The following BMPR1B variants were observed in gnomAD, a reference collection of about 807,000 sequenced individuals.
The protein encoded by BMPR1B is bone morphogenetic protein receptor type-1B.
In BMPR1B, 12 loss-of-function variants were observed where a neutral mutation model predicts 59.1. That is an observed-to-expected ratio of 0.20 (90% CI 0.13 to 0.33). The LOEUF is 0.33. Among genes scored for constraint, BMPR1B ranks in the 10% least tolerant of loss-of-function variants. BMPR1B has a pLI of 1.00. For missense variants in BMPR1B, 550 were observed against 610.9 expected (o/e 0.90, Z 1.05); for synonymous variants, 237 against 207.3 (o/e 1.14, Z -1.23).
intron 1 of BMPR1B, among the ~76,000 whole-genome samples, chr4:94,800,050 G>A (rs570590548): frequency 1.3e-5 from 2 of 152,194 alleles, no homozygotes; most frequent in African/African-American, 4.8e-5. Flanking sequence ...TTTTTGATTG[G>A]GACAAGCGTT....
chr4:95,055,165 A>G (rs1726821609), intron 3 of BMPR1B, among the ~76,000 whole-genome samples: 1 of 152,168 alleles, frequency 6.6e-6, no homozygotes, highest in Non-Finnish European at 1.5e-5. Context: ...ACAGTTTTAT[A>G]TAACCTGGAT....
At chr4:95,100,478 TA>T (rs1312412106) in intron 3 of BMPR1B, among the ~76,000 whole-genome samples, 2 of 151,968 alleles carry the variant, frequency 1.3e-5, no homozygotes, top group Admixed American at 6.6e-5. Flanking sequence ...TTCCTCTCTA[TA>T]AAAAAAATTA....
At chr4:94,906,728 C>T (rs1339585905) in intron 2 of BMPR1B, among the ~76,000 whole-genome samples, 1 of 151,990 alleles carries the variant, frequency 6.6e-6, no homozygotes, top group East Asian at 1.9e-4. Context: ...GAAGTAAACA[C>T]TTGAAGACAA....
chr4:94,863,600 T>A (rs559916155), intron 1 of BMPR1B, among the ~76,000 whole-genome samples: 2 of 152,356 alleles, frequency 1.3e-5, no homozygotes, highest in African/African-American at 2.4e-5. Flanking sequence ...TGTATTTTCC[T>A]CTAATGTTTC....
intron 4 of BMPR1B, among the ~76,000 whole-genome samples, chr4:95,108,664 C>A (rs563005962): frequency 1.4e-4 from 22 of 152,170 alleles, no homozygotes; most frequent in Admixed American, 6.6e-4. Flanking sequence ...AAATCCATGC[C>A]ATTTCCACTG....
intron 1 of BMPR1B, among the ~76,000 whole-genome samples, chr4:94,848,713 A>T (rs932970560): frequency 1.3e-5 from 2 of 152,212 alleles, no homozygotes; most frequent in East Asian, 3.8e-4. Context: ...ATGTTAGGAC[A>T]AAGGGTGGGA....
chr4:94,873,573 A>G (rs138786622), intron 1 of BMPR1B, among the ~76,000 whole-genome samples: 1 of 152,016 alleles, frequency 6.6e-6, no homozygotes, highest in Non-Finnish European at 1.5e-5. Flanking sequence ...TGCCCAGCTA[A>G]TATTTTGTAT....
chr4:95,121,911 T>C (rs1732558801), intron 6 of BMPR1B, among the ~76,000 whole-genome samples: 1 of 152,214 alleles, frequency 6.6e-6, no homozygotes, highest in African/African-American at 2.4e-5. Flanking sequence ...TGCAAAGATG[T>C]ATGTGTAAGA....
chr4:94,916,567 G>C lies in BMPR1B; in HGVS notation c.-113+40667G>C, dbSNP rs1005070031. ...TTCTAAGCAGCAAAGTGTTCACCAT[G>C]TGGCCTGGCTGCTTCTAACAACCTA... On this transcript the variant is annotated intron_variant, in intron 2 of 12. Transcript: ENST00000515059. Among the ~76,000 whole-genome samples, 4 of 152,210 alleles carry C rather than the reference G, an allele frequency of 2.6e-5. No individual in the cohort carries two copies. In the South Asian group the frequency reaches 8.3e-4, roughly 31 times the overall value.
At chr4:95,010,337 G>A (rs931282362) in intron 3 of BMPR1B, among the ~76,000 whole-genome samples, 2 of 152,120 alleles carry the variant, frequency 1.3e-5, no homozygotes, top group Non-Finnish European at 2.9e-5. Flanking sequence ...TCTCATTACT[G>A]CTGGAATAGG....
Position 95,154,770 on chromosome 4 carries a change from G to C in BMPR1B, c.*97G>C. On this transcript the variant is annotated 3_prime_UTR_variant, in exon 13 of 13. Coordinates refer to ENST00000515059, the MANE Select transcript of BMPR1B (RefSeq NM_001203.3). Reference sequence around the variant, plus strand: ...CATCAAATAAGCATCCACAGTACAAGCCTTGAACATCGTCCTGCTTCCCAG... The same window carrying C: ...CATCAAATAAGCATCCACAGTACAACCCTTGAACATCGTCCTGCTTCCCAG... 1 of 1,548,952 alleles carries C rather than the reference G, an allele frequency of 6.5e-7. No homozygotes were observed. The highest frequency in any genetic ancestry group is 1.1e-5 in the South Asian group (1 of 88,150).
chr4:94,948,614 T>C (rs1454354985), intron 2 of BMPR1B, among the ~76,000 whole-genome samples: 1 of 152,164 alleles, frequency 6.6e-6, no homozygotes, highest in Non-Finnish European at 1.5e-5. Context: ...GGTCAGGTCC[T>C]TTTTTTAAAG....
At chr4:94,969,484 A>G (rs1166238537) in intron 2 of BMPR1B, among the ~76,000 whole-genome samples, 1 of 152,150 alleles carries the variant, frequency 6.6e-6, no homozygotes, top group African/African-American at 2.4e-5. Context: ...TTATTTTAAC[A>G]TTGGGTAGTA....
At position 94,808,048 on chromosome 4, in the gene BMPR1B, A is replaced by G. The variant is rs553494307; in HGVS notation, c.-183+49980A>G. On this transcript the variant is annotated intron_variant, in intron 1 of 12. Transcript: ENST00000515059. ...TTTCCAGTGCAACATTGTACTTAAA[A>G]TATTTATAAATTGTAAATCTCTATT... 1.1e-4 allele frequency among the ~76,000 whole-genome samples: 16 copies of G among 152,308 alleles called. No homozygotes were observed. In the East Asian group the frequency reaches 2.9e-3, roughly 27 times the overall value.
At chr4:95,040,934 C>G (rs956403071) in intron 3 of BMPR1B, among the ~76,000 whole-genome samples, 2 of 152,262 alleles carry the variant, frequency 1.3e-5, no homozygotes, top group African/African-American at 4.8e-5. Flanking sequence ...GCAGTGCTGC[C>G]TCGCTGTACC....
chr4:95,147,892 C>G (rs1734758356), intron 10 of BMPR1B, among the ~76,000 whole-genome samples: 1 of 152,172 alleles, frequency 6.6e-6, no homozygotes, highest in Admixed American at 6.5e-5. Flanking sequence ...GCTCATCGCA[C>G]TGAAGCAATG....
intron 1 of BMPR1B, among the ~76,000 whole-genome samples, chr4:94,827,487 C>T (rs936685889): frequency 3.3e-5 from 5 of 152,048 alleles, no homozygotes; most frequent in African/African-American, 1.2e-4. Context: ...GATACAGGTT[C>T]AACAAATAAG....
chr4:94,820,174 A>G (rs1438641412), intron 1 of BMPR1B, among the ~76,000 whole-genome samples: 1 of 152,196 alleles, frequency 6.6e-6, no homozygotes, highest in Non-Finnish European at 1.5e-5. Context: ...GTACCTGTGG[A>G]AGGGAAGAGA....
At chr4:94,897,189 A>T (rs1727619703) in intron 2 of BMPR1B, among the ~76,000 whole-genome samples, 1 of 152,022 alleles carries the variant, frequency 6.6e-6, no homozygotes, top group African/African-American at 2.4e-5. Context: ...GGGGGATTAA[A>T]GCCCCAGTCT....
Sources: gnomAD v4.1 joint callset for allele counts (sites outside exome capture counted in the v4.1 genomes callset) on GRCh38, gnomAD v4.1.1 for gene constraint, MANE v1.5 for transcripts, NCBI Gene and HGNC (gene_info 2026-07-23, HGNC 2026-07-21) for gene names.